The following KCNT2 variants were observed in gnomAD, a reference collection of about 807,000 sequenced individuals.
The protein encoded by KCNT2 is potassium channel subfamily T member 2.
A neutral mutation model predicts 153.8 loss-of-function variants in KCNT2; 67 were observed. That is an observed-to-expected ratio of 0.44 (90% confidence interval 0.36 to 0.53). The LOEUF (loss-of-function observed/expected upper bound fraction) is 0.53. Ranked by LOEUF, KCNT2 falls within the 20% of genes least tolerant of loss-of-function variation. The pLI is 0.00. For missense variants in KCNT2, 975 were observed against 1,354.8 expected, an observed-to-expected ratio of 0.72 and a Z score of 4.40; for synonymous variants, 500 against 458.8, an observed-to-expected ratio of 1.09 and a Z score of -1.15.
At chr1:196,236,578 C>A (rs1654462812) in intron 26 of KCNT2, among the ~76,000 whole-genome samples, 1 of 151,512 alleles carries the variant, frequency 6.6e-6, no homozygotes, top group Admixed American at 6.6e-5. Flanking sequence ...CATGACACAT[C>A]TCATGTAACT....
chr1:196,593,397 G>A (rs1169977479), intron 1 of KCNT2, among the ~76,000 whole-genome samples: 2 of 149,774 alleles, frequency 1.3e-5, no homozygotes, highest in South Asian at 2.1e-4. Context: ...CTCATTGATT[G>A]AAGGGCATTT....
chr1:196,276,725 C>T (rs183780554), intron 25 of KCNT2, among the ~76,000 whole-genome samples: 4 of 152,144 alleles, frequency 2.6e-5, no homozygotes, highest in Admixed American at 2.0e-4. Context: ...TCTACTCTTA[C>T]ACAACTTTGC....
intron 22 of KCNT2, among the ~76,000 whole-genome samples, chr1:196,300,499 G>A (rs756201241): frequency 1.2e-4 from 18 of 152,068 alleles, no homozygotes; most frequent in Non-Finnish European, 2.6e-4. Context: ...TAGGTCATAA[G>A]ATCCTCATTC....
intron 1 of KCNT2, among the ~76,000 whole-genome samples, chr1:196,571,490 C>T (rs951819991): frequency 6.6e-6 from 1 of 152,038 alleles, no homozygotes; most frequent in Non-Finnish European, 1.5e-5. Context: ...TTTTGATCTC[C>T]AAGGGACTGA....
intron 26 of KCNT2, among the ~76,000 whole-genome samples, chr1:196,249,511 G>A (rs929423967): frequency 1.3e-5 from 2 of 152,154 alleles, no homozygotes; most frequent in African/African-American, 4.8e-5. Flanking sequence ...GGTGGCTCAT[G>A]CCTGTAATCC....
At chr1:196,457,208 T>G (rs1245425815) in intron 8 of KCNT2, among the ~76,000 whole-genome samples, 1 of 151,632 alleles carries the variant, frequency 6.6e-6, no homozygotes, top group Non-Finnish European at 1.5e-5. Flanking sequence ...ATAGCCCTCT[T>G]ACCCACAAAA....
At chr1:196,372,589 T>C (rs1668629980) in intron 14 of KCNT2, among the ~76,000 whole-genome samples, 1 of 151,958 alleles carries the variant, frequency 6.6e-6, no homozygotes, top group African/African-American at 2.4e-5. Context: ...AAAAAGGTTC[T>C]AATGGTACAA....
chr1:196,518,613 G>T (rs1652928713), intron 1 of KCNT2, among the ~76,000 whole-genome samples: 1 of 151,680 alleles, frequency 6.6e-6, no homozygotes, highest in Non-Finnish European at 1.5e-5. Flanking sequence ...TCAGAAAAAA[G>T]CAGAGGTTGC....
chr1:196,258,118 A>G, intron 26 of KCNT2, 76 bp downstream of exon 26: 1 of 1,517,802 alleles, frequency 6.6e-7, no homozygotes, highest in Non-Finnish European at 8.8e-7. Flanking sequence ...TTCTTTATTA[A>G]ATTAGAACCA....
chr1:196,455,200 T>C (rs1194170691), intron 8 of KCNT2, among the ~76,000 whole-genome samples: 1 of 152,000 alleles, frequency 6.6e-6, no homozygotes, highest in Non-Finnish European at 1.5e-5. Context: ...GATTTCAGAC[T>C]AGGTCACCTG....
chr1:196,241,492 G>A (rs1156717004), intron 26 of KCNT2, among the ~76,000 whole-genome samples: 1 of 151,970 alleles, frequency 6.6e-6, no homozygotes, highest in African/African-American at 2.4e-5. Context: ...GGGTGTGAAA[G>A]GTGCTTAGAG....
intron 19 of KCNT2, 89 bp downstream of exon 19, chr1:196,326,628 C>T (rs1663887637): frequency 1.5e-6 from 1 of 666,572 alleles, no homozygotes; most frequent in South Asian, 2.8e-5. Context: ...TAAAATACTA[C>T]CAGAATATTA....
chr1:196,436,014 T>C (rs930400005), intron 8 of KCNT2, among the ~76,000 whole-genome samples: 3 of 151,656 alleles, frequency 2.0e-5, no homozygotes, highest in African/African-American at 4.8e-5. Context: ...AAAAAATTCA[T>C]TTAAAAAGTA....
intron 26 of KCNT2, among the ~76,000 whole-genome samples, chr1:196,239,148 A>G (rs1371950842): frequency 6.6e-6 from 1 of 151,926 alleles, no homozygotes; most frequent in Non-Finnish European, 1.5e-5. Flanking sequence ...TTCATGAACA[A>G]CAGAATCTAT....
chr1:196,291,995 A>C (rs1019357038), intron 22 of KCNT2, among the ~76,000 whole-genome samples: 4 of 152,314 alleles, frequency 2.6e-5, no homozygotes, highest in South Asian at 2.1e-4. Flanking sequence ...CATAGTAAGT[A>C]ATCTAAATAT....
intron 1 of KCNT2, among the ~76,000 whole-genome samples, chr1:196,572,865 C>G (rs1166736542): frequency 6.6e-6 from 1 of 152,002 alleles, no homozygotes; most frequent in Non-Finnish European, 1.5e-5. Context: ...TTTCTTGATG[C>G]ATGATGACAC....
chr1:196,373,302 A>C, intron 13 of KCNT2, 54 bp from the exon 14 acceptor site: 1 of 784,480 alleles, frequency 1.3e-6, no homozygotes, highest in South Asian at 1.5e-5. Context: ...AGAGTAATAA[A>C]ATGTAAAAAA....
At chr1:196,258,652 T>C (rs1201221494) in intron 25 of KCNT2, 158 bp from the exon 26 acceptor site, 2 of 693,920 alleles carry the variant, frequency 2.9e-6, no homozygotes, top group Admixed American at 4.6e-5. Context: ...TTTCCATTAC[T>C]AAAAATATTA....
At chr1:196,280,335 T>G (rs1658977363) in intron 25 of KCNT2, among the ~76,000 whole-genome samples, 1 of 152,210 alleles carries the variant, frequency 6.6e-6, no homozygotes, top group Non-Finnish European at 1.5e-5. Flanking sequence ...TACTGAGGTT[T>G]ACTTTGGGAA....
Sources: gnomAD v4.1 joint callset for allele counts (sites outside exome capture counted in the v4.1 genomes callset) on GRCh38, gnomAD v4.1.1 for gene constraint, MANE v1.5 for transcripts, NCBI Gene and HGNC (gene_info 2026-07-23, HGNC 2026-07-21) for gene names.